Variants in MYO16 observed in about 807,000 individuals in gnomAD.
MYO16 encodes myosin XVI.
Under a neutral mutation model 205.3 loss-of-function variants are expected in MYO16, and 94 were observed. That is an observed-to-expected ratio of 0.46 (90% CI 0.39 to 0.54). The LOEUF (loss-of-function observed/expected upper bound fraction) is 0.54, where lower values mean the gene tolerates loss of function less well. MYO16 is among the 20% of genes least tolerant of loss of function. MYO16 has a pLI of 0.00. For synonymous variants in MYO16, 988 were observed against 954.0 expected (o/e 1.04, Z -0.66); for missense variants, 2,315 against 2,387.5 (o/e 0.97, Z 0.63).
chr13:108,761,202 C>T (rs1216949814), intron 4 of MYO16, among the ~76,000 whole-genome samples: 4 of 152,172 alleles, frequency 2.6e-5, no homozygotes, highest in Admixed American at 2.6e-4. Context: ...TAGAACTTGC[C>T]TGCTGAGCCC....
intron 1 of MYO16, among the ~76,000 whole-genome samples, chr13:108,608,793 C>G (rs1566503155): frequency 6.6e-6 from 1 of 152,080 alleles, no homozygotes; most frequent in East Asian, 1.9e-4. Flanking sequence ...CAGGCATGCA[C>G]CACCATGCCC....
intron 11 of MYO16, among the ~76,000 whole-genome samples, chr13:108,858,723 G>A (rs1173728338): frequency 6.6e-6 from 1 of 152,166 alleles, no homozygotes; most frequent in Non-Finnish European, 1.5e-5. Flanking sequence ...CAGAGTAACA[G>A]TGTTAGAATG....
At chr13:108,963,811 A>G (rs988388882) in intron 19 of MYO16, among the ~76,000 whole-genome samples, 13 of 152,148 alleles carry the variant, frequency 8.5e-5, no homozygotes, top group African/African-American at 3.1e-4. Context: ...CTCACTTGCT[A>G]CCACCACCCT....
chr13:108,681,228 A>G (rs1178727117), intron 2 of MYO16, among the ~76,000 whole-genome samples: 1 of 152,176 alleles, frequency 6.6e-6, no homozygotes, highest in Non-Finnish European at 1.5e-5. Flanking sequence ...TCAGTCTGAA[A>G]TCTAATAGTT....
At chr13:108,754,640 G>T (rs1006678778) in intron 4 of MYO16, among the ~76,000 whole-genome samples, 6 of 152,136 alleles carry the variant, frequency 3.9e-5, no homozygotes, top group African/African-American at 1.2e-4. Context: ...TTCTAGAGTT[G>T]TATACTCCTT....
intron 4 of MYO16, among the ~76,000 whole-genome samples, chr13:108,756,180 A>G (rs1274793584): frequency 6.6e-6 from 1 of 152,132 alleles, no homozygotes; most frequent in Non-Finnish European, 1.5e-5. Flanking sequence ...GACTTTCAAT[A>G]TTTATGGTTA....
intron 33 of MYO16, among the ~76,000 whole-genome samples, chr13:109,169,396 G>C (rs981853235): frequency 6.6e-6 from 1 of 152,256 alleles, no homozygotes; most frequent in Admixed American, 6.5e-5. Flanking sequence ...GGATAGAAAG[G>C]AAGGAAAGAG....
At chr13:108,641,930 A>G (rs1457659338) in intron 1 of MYO16, among the ~76,000 whole-genome samples, 1 of 152,200 alleles carries the variant, frequency 6.6e-6, no homozygotes, top group African/African-American at 2.4e-5. Context: ...TAGGTTGGAC[A>G]GGGAGGCAGC....
chr13:108,822,726 A>T (rs1876046536), intron 8 of MYO16, among the ~76,000 whole-genome samples: 1 of 152,178 alleles, frequency 6.6e-6, no homozygotes. Context: ...GAGGCCAGTT[A>T]CATGCTTTAT....
intron 23 of MYO16, among the ~76,000 whole-genome samples, chr13:109,033,300 G>T (rs9583332): frequency 0.017 from 2,616 of 152,258 alleles, 79 homozygotes; most frequent in African/African-American, 0.06. Flanking sequence ...TACTCATTTT[G>T]CAGCTCAGAC....
At chr13:108,835,946 G>A (rs1876892457) in intron 9 of MYO16, among the ~76,000 whole-genome samples, 1 of 152,114 alleles carries the variant, frequency 6.6e-6, no homozygotes. Context: ...TATTTCTTGG[G>A]GAAAAATTCA....
At chr13:109,150,170 G>C (rs550983008) in intron 32 of MYO16, among the ~76,000 whole-genome samples, 1 of 152,232 alleles carries the variant, frequency 6.6e-6, no homozygotes, top group Non-Finnish European at 1.5e-5. Flanking sequence ...ACAGGGGAAA[G>C]ACAGACAATC....
At chr13:108,842,680 C>T (rs187135474) in intron 9 of MYO16, among the ~76,000 whole-genome samples, 11 of 152,096 alleles carry the variant, frequency 7.2e-5, no homozygotes, top group East Asian at 1.9e-4. Flanking sequence ...ATAGTTGCTA[C>T]GGAAACAAGT....
intron 15 of MYO16, among the ~76,000 whole-genome samples, chr13:108,898,351 A>AGAGTGT (rs1555310476): frequency 6.9e-6 from 1 of 144,992 alleles, no homozygotes; most frequent in African/African-American, 2.6e-5. Flanking sequence ...AGGGTGTGTG[A>AGAGTGT]GTGTGTGTGT....
rs568821409 is a variant in MYO16, at chr13:108,739,634, G to A, written c.507+12051G>A. Among the ~76,000 whole-genome samples, 62 of 152,234 alleles carry A rather than the reference G, an allele frequency of 4.1e-4. 1 individual carries two copies. Among genetic ancestry groups the A allele is most frequent in the Admixed American group, 8.5e-4 (13 of 15,290 alleles). The stretch of plus-strand genomic sequence containing the variant: ...GTGTCTTGGAGTTGCTCTTCTCGAG[G>A]AGTATCTCTGTGGCATTCTCTGTAT... On this transcript the variant is annotated intron_variant, in intron 4 of 34. Coordinates refer to ENST00000457511, the MANE Select transcript of MYO16 (RefSeq NM_001198950.3).
intron 1 of MYO16, among the ~76,000 whole-genome samples, chr13:108,605,643 T>G (rs1251121618): frequency 1.3e-5 from 2 of 152,192 alleles, no homozygotes; most frequent in African/African-American, 4.8e-5. Context: ...GCCATGATGG[T>G]AAGTTTCCTG....
intron 6 of MYO16, among the ~76,000 whole-genome samples, chr13:108,795,321 A>G (rs535246820): frequency 1.3e-4 from 20 of 151,330 alleles, no homozygotes; most frequent in East Asian, 9.7e-4. Context: ...TGATTTTCCT[A>G]CCTCAGCCTC....
the MYO16 span, among the ~76,000 whole-genome samples, chr13:108,573,825 C>T: frequency 6.6e-6 from 1 of 152,122 alleles, no homozygotes; most frequent in Non-Finnish European, 1.5e-5. Flanking sequence ...CAGTATATTT[C>T]ATGAGCCCTG....
chr13:108,898,351 A>AGTGTGAGTGT (rs1555310477), intron 15 of MYO16, among the ~76,000 whole-genome samples: 2 of 144,992 alleles, frequency 1.4e-5, no homozygotes, highest in Non-Finnish European at 3.0e-5. Flanking sequence ...AGGGTGTGTG[A>AGTGTGAGTGT]GTGTGTGTGT....
Sources: allele counts gnomAD v4.1 joint callset (sites outside exome capture counted in the v4.1 genomes callset), GRCh38; gene constraint gnomAD v4.1.1; transcripts MANE v1.5; gene names NCBI Gene and HGNC (gene_info 2026-07-23, HGNC 2026-07-21).